Variants in QNG1 observed in about 807,000 individuals in gnomAD.
QNG1 encodes queuosine 5'-phosphate N-glycosylase/hydrolase.
the QNG1 span, among the ~76,000 whole-genome samples, chr9:83,943,050 G>GA: frequency 6.6e-6 from 1 of 151,974 alleles, no homozygotes; most frequent in Non-Finnish European, 1.5e-5. Flanking sequence ...GATTTGAATT[G>GA]AAAAAAAGAA....
At chr9:83,956,192 G>A in the QNG1 span, 4 of 1,612,218 alleles carry the variant, frequency 2.5e-6, no homozygotes, top group Non-Finnish European at 3.4e-6. Context: ...TGACGGCGGC[G>A]CACAGGGACC....
chr9:83,941,083 G>C, the QNG1 span, among the ~76,000 whole-genome samples: 1 of 152,236 alleles, frequency 6.6e-6, no homozygotes, highest in Non-Finnish European at 1.5e-5. Context: ...CACCCGAGTA[G>C]AGCTATCAGG....
At chr9:83,940,272 G>A in the QNG1 span, among the ~76,000 whole-genome samples, 1 of 151,966 alleles carries the variant, frequency 6.6e-6, no homozygotes, top group Non-Finnish European at 1.5e-5. Context: ...AGGCATGGTG[G>A]TATGTGCCTG....
chr9:83,939,779 T>C, the QNG1 span: 3 of 1,381,914 alleles, frequency 2.2e-6, no homozygotes, highest in Non-Finnish European at 3.1e-6. Context: ...AAATTAATAG[T>C]CAATGATACA....
At chr9:83,943,894 G>A in the QNG1 span, among the ~76,000 whole-genome samples, 22 of 152,182 alleles carry the variant, frequency 1.4e-4, no homozygotes, top group East Asian at 1.5e-3. Context: ...GGTGGCGGGC[G>A]CCTGTAGTCC....
At chr9:83,956,202 C>G in the QNG1 span, 1 of 1,613,216 alleles carries the variant, frequency 6.2e-7, no homozygotes, top group Admixed American at 1.7e-5. Flanking sequence ...GCACAGGGAC[C>G]AGTACCCACT....
At chr9:83,956,625 G>C in the QNG1 span, 2 of 741,796 alleles carry the variant, frequency 2.7e-6, no homozygotes, top group Non-Finnish European at 4.2e-6. Context: ...CCCTGCCAGG[G>C]AGTGGCACCG....
the QNG1 span, chr9:83,955,534 CCT>C: frequency 6.2e-7 from 1 of 1,614,178 alleles, no homozygotes; most frequent in South Asian, 1.1e-5. Flanking sequence ...GAATCCGATG[CCT>C]CTCTTCTACT....
chr9:83,944,644 C>T, the QNG1 span: 1 of 585,878 alleles, frequency 1.7e-6, no homozygotes, highest in Admixed American at 3.7e-5. Flanking sequence ...ATCATTTTCT[C>T]TACATTTTGT....
the QNG1 span, chr9:83,938,979 C>G: frequency 6.4e-6 from 1 of 156,842 alleles, no homozygotes; most frequent in Non-Finnish European, 1.4e-5. Flanking sequence ...GAACTCCTCG[C>G]CTCAAGCAAT....
At chr9:83,944,877 A>C in the QNG1 span, 4 of 1,613,712 alleles carry the variant, frequency 2.5e-6, no homozygotes, top group South Asian at 4.4e-5. Context: ...ATAATCAGCA[A>C]ACATGGTGAT....
the QNG1 span, among the ~76,000 whole-genome samples, chr9:83,952,332 T>G: frequency 5.9e-5 from 9 of 152,212 alleles, no homozygotes; most frequent in African/African-American, 1.4e-4. Context: ...CAAGTACTCA[T>G]GAGAAATGGT....
At chr9:83,941,824 A>G in the QNG1 span, among the ~76,000 whole-genome samples, 1 of 152,032 alleles carries the variant, frequency 6.6e-6, no homozygotes, top group Non-Finnish European at 1.5e-5. Context: ...GAGGCAGGAG[A>G]ATCACTTGAA....
At chr9:83,953,887 G>T in the QNG1 span, 1 of 1,237,636 alleles carries the variant, frequency 8.1e-7, no homozygotes, top group Non-Finnish European at 1.2e-6. Context: ...ACAGTACACT[G>T]AACTTTTCAA....
the QNG1 span, among the ~76,000 whole-genome samples, chr9:83,949,410 G>A: frequency 6.6e-6 from 1 of 152,176 alleles, no homozygotes; most frequent in Non-Finnish European, 1.5e-5. Context: ...TTGGGAGGCC[G>A]AGGCGGGTGG....
chr9:83,939,409 T>C, the QNG1 span: 7 of 784,918 alleles, frequency 8.9e-6, no homozygotes, highest in East Asian at 1.9e-4. Flanking sequence ...GCAATCAATT[T>C]CCTATAACCT....
At chr9:83,946,056 C>T in the QNG1 span, among the ~76,000 whole-genome samples, 3 of 151,866 alleles carry the variant, frequency 2.0e-5, no homozygotes, top group Non-Finnish European at 2.9e-5. Context: ...CCTGTAATCC[C>T]AGCACTTTGG....
the QNG1 span, chr9:83,956,641 T>G: frequency 1.5e-6 from 1 of 646,920 alleles, no homozygotes. Context: ...CACCGAGAAC[T>G]TAGTGCAGCC....
At chr9:83,940,466 T>C in the QNG1 span, among the ~76,000 whole-genome samples, 1 of 152,120 alleles carries the variant, frequency 6.6e-6, no homozygotes, top group African/African-American at 2.4e-5. Flanking sequence ...AATAAATAAA[T>C]ATTTATTTTG....
Sources: gnomAD v4.1 joint callset for allele counts (sites outside exome capture counted in the v4.1 genomes callset) on GRCh38, gnomAD v4.1.1 for gene constraint, MANE v1.5 for transcripts, NCBI Gene and HGNC (gene_info 2026-07-23, HGNC 2026-07-21) for gene names.